Variants in RNF149 observed in about 807,000 individuals in gnomAD.
RNF149 encodes E3 ubiquitin-protein ligase RNF149.
A neutral mutation model predicts 39.0 loss-of-function variants in RNF149; 21 were observed. The observed-to-expected ratio is 0.54, with a 90% CI of 0.38 to 0.77. The LOEUF (loss-of-function observed/expected upper bound fraction) is 0.77. Ranked by LOEUF, RNF149 falls within the 30% of genes least tolerant of loss-of-function variation. The pLI is 0.00. For missense variants in RNF149, 493 were observed against 534.9 expected, an observed-to-expected ratio of 0.92 and a Z score of 0.77; for synonymous variants, 209 against 213.6, an observed-to-expected ratio of 0.98 and a Z score of 0.19.
chr2:101,305,747 G>C (rs929295970), intron 1 of RNF149, among the ~76,000 whole-genome samples: 1 of 152,142 alleles, frequency 6.6e-6, no homozygotes, highest in East Asian at 1.9e-4. Context: ...GAGAGGGAGA[G>C]AGAACAAAGA....
At chr2:101,291,485 G>A (rs1683010704) in intron 3 of RNF149, among the ~76,000 whole-genome samples, 3 of 150,160 alleles carry the variant, frequency 2.0e-5, no homozygotes, top group Admixed American at 1.3e-4. Context: ...GTTTCGCCAC[G>A]TTGCCCAGGC....
rs116301411 is a variant in RNF149 at position 101,284,148 on chromosome 2, T to C, written c.960+1933A>G. On this transcript the variant is annotated intron_variant, in intron 5 of 6. Coordinates refer to ENST00000295317, the MANE Select transcript of RNF149 (RefSeq NM_173647.4). ...CTACAATTACTGAAAACCATGAATA[T>C]GTGAAGAAATTCTAGAAGAGAGACA... Among the ~76,000 whole-genome samples, 954 of 152,332 alleles carry C rather than the reference T, an allele frequency of 6.3e-3. 4 individuals are homozygous for C. The highest frequency in any genetic ancestry group is 0.022 in the African/African-American group (911 of 41,580).
intron 6 of RNF149, among the ~76,000 whole-genome samples, chr2:101,281,090 C>A (rs930894272): frequency 1.1e-4 from 17 of 152,146 alleles, no homozygotes; most frequent in African/African-American, 3.4e-4. Flanking sequence ...CAGTTCACTA[C>A]ATTTTACCTA....
chr2:101,274,270 C>T (rs767461029), downstream of RNF149, among the ~76,000 whole-genome samples: 25 of 152,170 alleles, frequency 1.6e-4, no homozygotes, highest in Admixed American at 2.0e-4. Flanking sequence ...AACTGGGAAA[C>T]GTTCACGCTG....
rs1682784905 is a variant in RNF149, at chr2:101,286,150, G to T, written c.891C>A (p.Asp297Glu). The T allele has an allele frequency of 6.2e-7, 1 of 1,607,224 alleles. No homozygotes were observed. Among genetic ancestry groups the T allele is most frequent in the Non-Finnish European group, 8.5e-7 (1 of 1,174,042 alleles). The change falls in exon 5 of 7, where the codon GAC becomes GAA. Residue 297 changes from aspartate to glutamate, a missense_variant. By Grantham distance (45) the Asp-to-Glu change is conservative. Coordinates refer to ENST00000295317, the MANE Select transcript of RNF149 (RefSeq NM_173647.4). ...CKHIFHRICI[D>E]PWLLDHRTCP... ...ATGTTCGGTGATCCAAAAGCCATGG[G>T]TCAATGCATATTCTATGAAAAATAT...
Position 101,275,916 on chromosome 2 carries a change from C to G in RNF149, c.*1322G>C. 1 of 985,278 alleles carries G rather than the reference C, an allele frequency of 1.0e-6. No individual in the cohort carries two copies. The highest frequency in any genetic ancestry group is 1.2e-6 in the Non-Finnish European group (1 of 829,814). The allele number at this position is 985,278 out of a possible 1,614,324, so 61.0% of individuals were successfully genotyped here. Reference sequence around the variant, plus strand: ...CAGTGTGCAAAGCGAAATACATTTTCTACTTCAATAGCTCCTCATACTGCA... The same window carrying G: ...CAGTGTGCAAAGCGAAATACATTTTGTACTTCAATAGCTCCTCATACTGCA... On this transcript the variant is annotated 3_prime_UTR_variant, in exon 7 of 7. Transcript: ENST00000295317.
At chr2:101,273,528 A>G (rs1682221218), downstream of RNF149, among the ~76,000 whole-genome samples, 1 of 147,324 alleles carries the variant, frequency 6.8e-6, no homozygotes, top group Non-Finnish European at 1.5e-5. Context: ...GCTGGAGTAC[A>G]GTGGTGTGAT....
intron 1 of RNF149, among the ~76,000 whole-genome samples, chr2:101,295,894 T>C (rs1213275108): frequency 6.6e-6 from 1 of 152,060 alleles, no homozygotes; most frequent in Non-Finnish European, 1.5e-5. Context: ...AGTTCACACC[T>C]GTAATCCCAG....
At chr2:101,287,587 GC>G in intron 4 of RNF149, among the ~76,000 whole-genome samples, 1 of 152,142 alleles carries the variant, frequency 6.6e-6, no homozygotes, top group East Asian at 1.9e-4. Flanking sequence ...AGAAAGACCT[GC>G]CCTAAACCAG....
rs1682338214 is a variant in RNF149 at position 101,276,193 on chromosome 2, T to C, written c.*1045A>G. Reference sequence around the variant, plus strand: ...CACACTCTAAAAAATAACTGCCTCATACTCGACTTCTACCTCCAAGAAGTG... The same window carrying C: ...CACACTCTAAAAAATAACTGCCTCACACTCGACTTCTACCTCCAAGAAGTG... On this transcript the variant is annotated 3_prime_UTR_variant, in exon 7 of 7. Transcript: ENST00000295317. 1 of 983,960 alleles carries C rather than the reference T, an allele frequency of 1.0e-6. No homozygotes were observed. Among genetic ancestry groups the C allele is most frequent in the Non-Finnish European group, 1.2e-6 (1 of 828,710 alleles). The allele number at this position is 983,960 out of a possible 1,614,324, so 61.0% of individuals were successfully genotyped here.
At chr2:101,281,560 G>A in intron 6 of RNF149, 1 of 301,060 alleles carries the variant, frequency 3.3e-6, no homozygotes, top group South Asian at 4.0e-5. Context: ...GGAGTACAGT[G>A]ACAGGATCAT....
chr2:101,301,050 T>C (rs1038147320), intron 1 of RNF149, among the ~76,000 whole-genome samples: 3 of 152,300 alleles, frequency 2.0e-5, no homozygotes, highest in African/African-American at 7.2e-5. Context: ...CTGGATTTCG[T>C]CACAGAAACT....
rs1236267934 is a variant in RNF149, at chr2:101,293,009, C to T, written c.780+1005G>A. Reference sequence around the variant, plus strand: ...TTTTTTTTACTTTTTCTGTTCAACACATTTGTATGGAAAGAAAATAATACC... The same window carrying T: ...TTTTTTTTACTTTTTCTGTTCAACATATTTGTATGGAAAGAAAATAATACC... On this transcript the variant is annotated intron_variant, in intron 3 of 6. Coordinates refer to ENST00000295317, the MANE Select transcript of RNF149 (RefSeq NM_173647.4). Among the ~76,000 whole-genome samples the T allele has an allele frequency of 5.0e-5, 7 of 139,780 alleles. No individual in the cohort carries two copies. The East Asian group carries it at 1.5e-3, about 29-fold the overall frequency. 91.7% of individuals were successfully genotyped at this position (139,780 alleles called of 152,430 possible).
rs115735345 is a variant in RNF149, at chr2:101,291,664, A to G, written c.780+2350T>C. The stretch of plus-strand genomic sequence containing the variant: ...AACAACATTTAAAATTATATGCTTC[A>G]ATGAAAGTAAATAGTATCATTTATC... On this transcript the variant is annotated intron_variant, in intron 3 of 6. Transcript: ENST00000295317. Among the ~76,000 whole-genome samples, 561 of 152,344 alleles carry G rather than the reference A, an allele frequency of 3.7e-3. 4 individuals carry two copies. The highest frequency in any genetic ancestry group is 0.012 in the African/African-American group (515 of 41,578).
At chr2:101,288,787 C>T in intron 4 of RNF149, 186 bp downstream of exon 4, 2 of 528,948 alleles carry the variant, frequency 3.8e-6, no homozygotes, top group Non-Finnish European at 6.7e-6. Context: ...CTAAGAATCT[C>T]CTAGGCAAAG....
intron 1 of RNF149, among the ~76,000 whole-genome samples, chr2:101,306,618 G>A (rs540496814): frequency 6.6e-6 from 1 of 152,170 alleles, no homozygotes; most frequent in African/African-American, 2.4e-5. Flanking sequence ...GAAGACTCTC[G>A]CAGATCACTC....
chr2:101,284,535 C>T (rs534671634), intron 5 of RNF149, among the ~76,000 whole-genome samples: 28 of 152,200 alleles, frequency 1.8e-4, no homozygotes, highest in African/African-American at 6.3e-4. Flanking sequence ...GAGCCAAGAT[C>T]ACGCCATTGA....
intron 4 of RNF149, among the ~76,000 whole-genome samples, chr2:101,287,270 C>T (rs1682830745): frequency 6.6e-6 from 1 of 152,042 alleles, no homozygotes; most frequent in South Asian, 2.1e-4. Context: ...TGTAGTGAGC[C>T]AAGATCACAC....
At chr2:101,294,533 C>G (rs80104748) in intron 2 of RNF149, 1 of 200,182 alleles carries the variant, frequency 5.0e-6, no homozygotes, top group African/African-American at 2.4e-5. Flanking sequence ...AATAAGTGGA[C>G]GCTCAAAAGG....
Sources: allele counts gnomAD v4.1 joint callset (sites outside exome capture counted in the v4.1 genomes callset), GRCh38; gene constraint gnomAD v4.1.1; transcripts MANE v1.5; gene names NCBI Gene and HGNC (gene_info 2026-07-23, HGNC 2026-07-21).